PHACTR3: variants seen among roughly 807,000 people sequenced by gnomAD.
The protein encoded by PHACTR3 is protein phosphatase 1, regulatory subunit 123.
A neutral mutation model predicts 66.8 loss-of-function variants in PHACTR3; 16 were observed. The observed-to-expected ratio is 0.24, with a 90% CI of 0.16 to 0.36. The LOEUF is 0.36. PHACTR3 is among the 10% of genes least tolerant of loss of function. The pLI is 1.00. For missense variants in PHACTR3, 647 were observed against 719.9 expected (o/e 0.90, Z 1.16); for synonymous variants, 323 against 292.1 (o/e 1.11, Z -1.08).
At chr20:59,777,386 T>G (rs1447747397) in intron 7 of PHACTR3, among the ~76,000 whole-genome samples, 2 of 152,190 alleles carry the variant, frequency 1.3e-5, no homozygotes, top group Non-Finnish European at 2.9e-5. Context: ...CTTGGTTAAC[T>G]CGTTCCTCTT....
chr20:59,610,903 C>T (rs1223365085), intron 1 of PHACTR3, among the ~76,000 whole-genome samples: 1 of 152,250 alleles, frequency 6.6e-6, no homozygotes, highest in Non-Finnish European at 1.5e-5. Flanking sequence ...CTCATCATCT[C>T]ATCCTCTGAA....
chr20:59,726,832 C>G (rs1223008752), intron 1 of PHACTR3, among the ~76,000 whole-genome samples: 1 of 152,090 alleles, frequency 6.6e-6, no homozygotes, highest in Non-Finnish European at 1.5e-5. Flanking sequence ...TGACTTTGTT[C>G]ATTTGTGGGA....
chr20:59,656,009 A>G (rs369721637), intron 1 of PHACTR3, among the ~76,000 whole-genome samples: 1 of 151,874 alleles, frequency 6.6e-6, no homozygotes, highest in East Asian at 1.9e-4. Flanking sequence ...CAGAAATTAT[A>G]CTTTTTATGA....
At chr20:59,772,713 G>T (rs970695226) in intron 5 of PHACTR3, among the ~76,000 whole-genome samples, 1 of 152,204 alleles carries the variant, frequency 6.6e-6, no homozygotes, top group Non-Finnish European at 1.5e-5. Context: ...CCATGAGTTC[G>T]AATCATGTCC....
chr20:59,649,053 T>G (rs2035378435), intron 1 of PHACTR3, among the ~76,000 whole-genome samples: 1 of 152,156 alleles, frequency 6.6e-6, no homozygotes, highest in Non-Finnish European at 1.5e-5. Flanking sequence ...TGGTAAAGAG[T>G]TGGATGATTT....
intron 1 of PHACTR3, among the ~76,000 whole-genome samples, chr20:59,614,266 A>G (rs1184611413): frequency 6.6e-6 from 1 of 152,222 alleles, no homozygotes; most frequent in African/African-American, 2.4e-5. Context: ...TGACAGACGT[A>G]TACATACCTG....
intron 5 of PHACTR3, among the ~76,000 whole-genome samples, chr20:59,772,188 C>G (rs1020688562): frequency 6.6e-6 from 1 of 152,338 alleles, no homozygotes; most frequent in East Asian, 1.9e-4. Flanking sequence ...TCTGCTCTTC[C>G]GGGCACCTGA....
intron 5 of PHACTR3, among the ~76,000 whole-genome samples, chr20:59,770,887 G>A (rs955361963): frequency 1.6e-4 from 25 of 152,206 alleles, no homozygotes; most frequent in Admixed American, 9.2e-4. Context: ...TCTGCGGGAT[G>A]GGAGTCCCAC....
chr20:59,759,644 G>T, intron 4 of PHACTR3, among the ~76,000 whole-genome samples: 1 of 152,186 alleles, frequency 6.6e-6, no homozygotes, highest in East Asian at 1.9e-4. Context: ...AGGCAACGTG[G>T]TCCTAGGTCT....
At chr20:59,664,738 G>C (rs2035927947) in intron 1 of PHACTR3, among the ~76,000 whole-genome samples, 1 of 152,200 alleles carries the variant, frequency 6.6e-6, no homozygotes, top group Non-Finnish European at 1.5e-5. Context: ...AAGTTGTTAA[G>C]ACCGTGGTTC....
intron 3 of PHACTR3, among the ~76,000 whole-genome samples, chr20:59,753,208 C>G (rs1417803644): frequency 6.6e-6 from 1 of 152,086 alleles, no homozygotes; most frequent in Non-Finnish European, 1.5e-5. Context: ...GCCCACAGAG[C>G]CCGTCACAAT....
At chr20:59,791,232 C>T (rs78641003) in intron 7 of PHACTR3, among the ~76,000 whole-genome samples, 3,828 of 152,266 alleles carry the variant, frequency 0.025, 79 homozygotes, top group Non-Finnish European at 0.04. Flanking sequence ...GGCCCTCTCT[C>T]AGCCTCTCTT....
At chr20:59,742,871 A>C (rs555351845) in intron 1 of PHACTR3, among the ~76,000 whole-genome samples, 3 of 152,146 alleles carry the variant, frequency 2.0e-5, no homozygotes, top group Non-Finnish European at 4.4e-5. Context: ...CGGAAGGCGA[A>C]GGCTTCTGGT....
At chr20:59,686,681 T>C (rs1244092295) in intron 1 of PHACTR3, among the ~76,000 whole-genome samples, 1 of 150,736 alleles carries the variant, frequency 6.6e-6, no homozygotes. Flanking sequence ...GTGATGATGA[T>C]GGTGATGATG....
chr20:59,638,314 T>TA (rs1491207242), intron 1 of PHACTR3, among the ~76,000 whole-genome samples: 4 of 152,178 alleles, frequency 2.6e-5, no homozygotes, highest in African/African-American at 9.7e-5. Flanking sequence ...CCATCCCTTA[T>TA]CTATGCCTTA....
At chr20:59,760,514 T>A (rs1197770287) in intron 4 of PHACTR3, among the ~76,000 whole-genome samples, 2 of 152,124 alleles carry the variant, frequency 1.3e-5, no homozygotes, top group Non-Finnish European at 2.9e-5. Flanking sequence ...GATCTGATGG[T>A]TTTATAAGGG....
At chr20:59,632,287 G>A (rs2034695015) in intron 1 of PHACTR3, among the ~76,000 whole-genome samples, 1 of 152,138 alleles carries the variant, frequency 6.6e-6, no homozygotes, top group Non-Finnish European at 1.5e-5. Context: ...CTGGGAAAAG[G>A]TGCACCTCCT....
At chr20:59,817,843 G>A (rs1329857392) in intron 8 of PHACTR3, among the ~76,000 whole-genome samples, 8 of 152,208 alleles carry the variant, frequency 5.3e-5, no homozygotes, top group African/African-American at 1.2e-4. Context: ...AAACATATTT[G>A]TGGACCAGAT....
intron 1 of PHACTR3, among the ~76,000 whole-genome samples, chr20:59,697,672 G>T (rs890150205): frequency 6.6e-6 from 1 of 152,182 alleles, no homozygotes; most frequent in Non-Finnish European, 1.5e-5. Context: ...AAGGAGCAGA[G>T]ATTAGAAGGA....
Sources: gnomAD v4.1 joint callset for allele counts (sites outside exome capture counted in the v4.1 genomes callset) on GRCh38, gnomAD v4.1.1 for gene constraint, MANE v1.5 for transcripts, NCBI Gene and HGNC (gene_info 2026-07-23, HGNC 2026-07-21) for gene names.